CLASP1: variants seen among roughly 807,000 people sequenced by gnomAD.
The protein encoded by CLASP1 is cytoplasmic linker associated protein 1, also known as CLIP-associating protein 1.
In CLASP1, 38 loss-of-function variants were observed where a neutral mutation model predicts 192.3. The ratio of observed to expected loss-of-function variants is 0.20; its 90% confidence interval spans 0.15 to 0.26. CLASP1 has a LOEUF of 0.26. Ranked by LOEUF, CLASP1 falls within the 10% of genes least tolerant of loss-of-function variation. The probability of loss-of-function intolerance (pLI) is 1.00; values close to 1 mark genes in which losing one functional copy is unlikely to be tolerated. For synonymous variants in CLASP1, 691 were observed against 712.8 expected (o/e 0.97, Z 0.49); for missense variants, 1,433 against 1,932.5 (o/e 0.74, Z 4.85).
chr2:121,584,831 C>T (rs1167727762), intron 2 of CLASP1, among the ~76,000 whole-genome samples: 1 of 152,162 alleles, frequency 6.6e-6, no homozygotes, highest in Non-Finnish European at 1.5e-5. Flanking sequence ...GGCCTCTCTA[C>T]CACTGTTTGG....
chr2:121,555,988 C>CTGTTT (rs2058518738), intron 2 of CLASP1, among the ~76,000 whole-genome samples: 1 of 42,372 alleles, frequency 2.4e-5, no homozygotes, highest in African/African-American at 1.1e-4. Flanking sequence ...CTACCCACCG[C>CTGTTT]TTTTTTTTTT....
At chr2:121,472,213 G>GTA (rs1307622164) in intron 8 of CLASP1, among the ~76,000 whole-genome samples, 1 of 152,192 alleles carries the variant, frequency 6.6e-6, no homozygotes, top group Non-Finnish European at 1.5e-5. Flanking sequence ...ATGTCATTTA[G>GTA]AACAGTACTC....
chr2:121,634,877 A>G (rs1308508437), intron 1 of CLASP1, among the ~76,000 whole-genome samples: 1 of 152,224 alleles, frequency 6.6e-6, no homozygotes, highest in Non-Finnish European at 1.5e-5. Context: ...TTTAGACAAA[A>G]TATATGCACA....
intron 37 of CLASP1, among the ~76,000 whole-genome samples, chr2:121,358,781 A>T (rs145404280): frequency 6.6e-6 from 1 of 152,372 alleles, no homozygotes; most frequent in African/African-American, 2.4e-5. Flanking sequence ...ATATTTATCT[A>T]AGAATCAAAC....
chr2:121,530,282 C>T (rs2094735607), exon 3 of CLASP1: 1 of 1,552,366 alleles, frequency 6.4e-7, no homozygotes, highest in South Asian at 1.2e-5. Flanking sequence ...ATCCTGCAGC[C>T]GGGTCACCAG....
chr2:121,457,653 T>C (rs767417077), intron 14 of CLASP1, 34 bp downstream of exon 14: 1 of 1,551,678 alleles, frequency 6.4e-7, no homozygotes, highest in Non-Finnish European at 8.9e-7. Flanking sequence ...TTTTAAACAA[T>C]TCAAAAACAA....
rs576858852 is a variant in CLASP1, at chr2:121,526,654, T to C, written c.471-734A>G. 7.7e-4 allele frequency among the ~76,000 whole-genome samples: 117 copies of C among 152,262 alleles called. 1 individual carries two copies. The highest frequency in any genetic ancestry group is 6.8e-3 in the Middle Eastern group (2 of 294). On this transcript the variant is annotated intron_variant, in intron 5 of 39. Coordinates refer to ENST00000263710, the Ensembl canonical transcript of CLASP1. ...TAAGATGGAAAAAATTTACAAGTAA[T>C]ATAAACATTATAATCTCAATTTTGT...
intron 8 of CLASP1, among the ~76,000 whole-genome samples, chr2:121,501,598 T>C (rs959076003): frequency 6.6e-6 from 1 of 152,150 alleles, no homozygotes; most frequent in African/African-American, 2.4e-5. Flanking sequence ...TTTCTTACAA[T>C]CTATGAAAAA....
chr2:121,497,979 C>T (rs769942518), intron 8 of CLASP1, among the ~76,000 whole-genome samples: 4 of 152,104 alleles, frequency 2.6e-5, no homozygotes, highest in Non-Finnish European at 4.4e-5. Context: ...CCCGCCTTGG[C>T]CTCCCAAAGT....
At chr2:121,493,622 C>T (rs912743764) in intron 8 of CLASP1, among the ~76,000 whole-genome samples, 16 of 151,908 alleles carry the variant, frequency 1.1e-4, no homozygotes, top group East Asian at 1.9e-4. Flanking sequence ...CAAGTATGGG[C>T]AACCAAAGCA....
At chr2:121,466,520 A>T (rs1414535423) in intron 9 of CLASP1, among the ~76,000 whole-genome samples, 2 of 152,136 alleles carry the variant, frequency 1.3e-5, no homozygotes, top group Non-Finnish European at 2.9e-5. Context: ...TTCCCCACCC[A>T]CCACTATCCC....
At chr2:121,445,414 A>G (rs1167362136) in intron 19 of CLASP1, 13 of 1,271,524 alleles carry the variant, frequency 1.0e-5, no homozygotes, top group South Asian at 1.2e-5. Flanking sequence ...TATCCCAACT[A>G]CACGTCCAGC....
At chr2:121,539,098 C>G (rs1455285631) in intron 2 of CLASP1, among the ~76,000 whole-genome samples, 1 of 152,108 alleles carries the variant, frequency 6.6e-6, no homozygotes. Flanking sequence ...CCAAATTGAT[C>G]TAAACATTCA....
intron 20 of CLASP1, 68 bp from the exon 21 acceptor site, chr2:121,427,498 G>T: frequency 6.6e-7 from 1 of 1,526,520 alleles, no homozygotes; most frequent in Non-Finnish European, 9.0e-7. Context: ...CAATACAGAA[G>T]GTCAGCATGC....
At chr2:121,461,021 T>C in intron 11 of CLASP1, 80 bp downstream of exon 11, 1 of 827,786 alleles carries the variant, frequency 1.2e-6, no homozygotes, top group Non-Finnish European at 1.9e-6. Context: ...TCATTAGAGC[T>C]GTCCCAATTT....
At chr2:121,417,056 G>A (rs78330662) in intron 23 of CLASP1, among the ~76,000 whole-genome samples, 2,924 of 152,306 alleles carry the variant, frequency 0.019, 41 homozygotes, top group Middle Eastern at 0.031. Context: ...ACGTGCTGAT[G>A]CTAGAGCCTG....
At chr2:121,348,692 C>G (rs758017538) in exon 38 of CLASP1, 12 of 1,611,882 alleles carry the variant, frequency 7.4e-6, no homozygotes, top group African/African-American at 1.3e-5. Context: ...CCAGTGTGGA[C>G]GCAGCCTCCT....
chr2:121,591,928 C>T (rs1410465295), intron 2 of CLASP1, among the ~76,000 whole-genome samples: 2 of 152,208 alleles, frequency 1.3e-5, no homozygotes, highest in Non-Finnish European at 2.9e-5. Flanking sequence ...TCAAATAATT[C>T]TTCCAGGTTG....
chr2:121,601,853 C>T (rs1338218143), intron 2 of CLASP1, among the ~76,000 whole-genome samples: 1 of 151,938 alleles, frequency 6.6e-6, no homozygotes, highest in East Asian at 1.9e-4. Context: ...TATACACCAA[C>T]AACAAACTAG....
Sources: gnomAD v4.1 joint callset for allele counts (sites outside exome capture counted in the v4.1 genomes callset) on GRCh38, gnomAD v4.1.1 for gene constraint, MANE v1.5 for transcripts, NCBI Gene and HGNC (gene_info 2026-07-23, HGNC 2026-07-21) for gene names.